Variants in KIF22 observed in about 807,000 individuals in gnomAD.
KIF22 encodes the protein kinesin family member 22.
KIF22 carries 62 observed loss-of-function variants against 73.0 expected under a neutral mutation model. The observed-to-expected ratio is 0.85, with a 90% CI of 0.69 to 1.05. The LOEUF is 1.05. Among genes scored for constraint, KIF22 ranks in the 50% least tolerant of loss-of-function variants. KIF22 has a pLI of 0.00. For synonymous variants in KIF22, 411 were observed against 340.1 expected, an observed-to-expected ratio of 1.21 and a Z score of -2.29; for missense variants, 854 against 870.1, an observed-to-expected ratio of 0.98 and a Z score of 0.23.
In KIF22 at chr16:29,799,082, T is replaced by C. The variant is rs369995078; in HGVS notation, c.657T>C (p.Ala219=). The change falls in exon 5 of 14, where the codon GCT becomes GCC. Residue 219 remains alanine (A), a synonymous_variant. Transcript: ENST00000160827. The part of the protein sequence containing the change: ...GLSQKPISSF[A]DFERHFLPAS... ...CCCAGAAGCCCATCAGTAGCTTTGC[T>C]GATTTTGAGCGGCACTTCCTGCCAG... 5.6e-6 allele frequency: 9 copies of C among 1,614,196 alleles called. No homozygotes were observed. In the South Asian group the frequency reaches 6.6e-5, roughly 12 times the overall value.
chr16:29,799,917 G>A lies in KIF22; in HGVS notation c.1149G>A (p.Leu383=). 6.2e-7 allele frequency: 1 copy of A among 1,614,044 alleles called. No individual in the cohort carries two copies. ...FTNESLQPHA[L]GPVKLSQKEL... ...CCCCATCCTCCAATCATCTAGCCTT[G>A]GGACCTGTTAAGCTGTCTCAGAAAG... The change falls in exon 8 of 14, where the codon TTG becomes TTA. Residue 383 remains leucine (L), a synonymous_variant. Transcript: ENST00000160827.
chr16:29,798,326 ACAC>A lies in KIF22; in HGVS notation c.267-47_267-45del. ...CACTCCACCCCTTACACACACACAC[ACAC>A]ACACACACACACACACACGCTAATT... On this transcript the variant is annotated intron_variant, in intron 2 of 13. Transcript: ENST00000160827. The surrounding 1 kb of genome is among the most constrained non-coding windows in gnomAD (Gnocchi z 4.1). 1 of 1,535,948 alleles carries A rather than the reference ACAC, an allele frequency of 6.5e-7. No individual in the cohort carries two copies. The highest frequency in any genetic ancestry group is 8.8e-7 in the Non-Finnish European group (1 of 1,139,810).
Position 29,800,005 on chromosome 16 carries a change from C to T in KIF22, c.1237C>T (p.Pro413Ser). The T allele has an allele frequency of 1.2e-6, 2 of 1,613,824 alleles. No individual in the cohort carries two copies. Among genetic ancestry groups the T allele is most frequent in the Non-Finnish European group, 1.7e-6 (2 of 1,180,014 alleles). ...CCCTGAGGAAGAGGAGATCGGGAGC[C>T]CTGAGCCCATGGCAGCTCCAGCCTC... is the stretch of plus-strand genomic sequence containing the variant. ...RGPEEEEIGS[P>S]EPMAAPASAS... The change falls in exon 8 of 14, where the codon CCT becomes TCT. Residue 413 changes from proline (P) to serine (S), a missense_variant. Physicochemically the swap from Pro to Ser is moderately conservative, Grantham distance 74. This residue lies in a region of KIF22 where 423 missense variants were observed against 365.4 expected (regional missense o/e 1.16). Transcript: ENST00000160827.
chr16:29,800,150 C>T, intron 8 of KIF22, 102 bp downstream of exon 8: 1 of 1,360,632 alleles, frequency 7.3e-7, no homozygotes, highest in East Asian at 2.3e-5. Context: ...TGATCTTGTT[C>T]CTCTCCCATT....
rs1333433590 is a variant in KIF22, at chr16:29,805,312, C to A, written c.*2C>A. On this transcript the variant is annotated 3_prime_UTR_variant, in exon 14 of 14. Transcript: ENST00000160827. ...GGCCAGCGCTGTGGCGCCTCCTGACCGTCGTCTCCTCACTCCGCCTTTTCA... is the reference window on the plus strand; with the variant it reads ...GGCCAGCGCTGTGGCGCCTCCTGACAGTCGTCTCCTCACTCCGCCTTTTCA... 3.7e-6 allele frequency: 6 copies of A among 1,613,004 alleles called. No individual in the cohort carries two copies. The highest frequency in any genetic ancestry group is 2.7e-5 in the African/African-American group (2 of 74,942).
At chr16:29,803,173 T>C (rs1181796737) in intron 9 of KIF22, among the ~76,000 whole-genome samples, 2 of 152,176 alleles carry the variant, frequency 1.3e-5, no homozygotes, top group African/African-American at 4.8e-5. Context: ...ATGTTAAACA[T>C]TACATTTCCT....
At chr16:29,793,687 A>T (rs769486417) in intron 1 of KIF22, among the ~76,000 whole-genome samples, 3 of 152,096 alleles carry the variant, frequency 2.0e-5, no homozygotes, top group Admixed American at 1.3e-4. Flanking sequence ...ACTGGCATCT[A>T]GTAAGCATAT....
At chr16:29,803,702 C>T (rs1483314101) in intron 10 of KIF22, 94 bp downstream of exon 10, 8 of 1,069,596 alleles carry the variant, frequency 7.5e-6, no homozygotes, top group African/African-American at 1.6e-5. Context: ...CATTCATATT[C>T]TCCCACCACA....
chr16:29,805,232 C>A (rs755599745), intron 13 of KIF22, 31 bp from the exon 14 acceptor site: 1 of 1,613,972 alleles, frequency 6.2e-7, no homozygotes, highest in Non-Finnish European at 8.5e-7. Flanking sequence ...CCCTCTCTAA[C>A]GTCGCTGTCT....
In KIF22 at chr16:29,804,873, G is replaced by T. The variant is rs144222256; in HGVS notation, c.1737G>T (p.Gln579His). ...AGGCTGAGGACTGCTGGGAGCTACA[G>T]ATCAGCCCGGAGCTACTGGCTCATG... ...EEKAEDCWELQISPELLAHGR... is the reference protein window; with the variant it reads ...EEKAEDCWELHISPELLAHGR... Residue 579 changes from glutamine to histidine, a missense_variant, in exon 12 of 14, where the codon CAG becomes CAT. Around this residue, in one of 3 missense-constraint regions of KIF22, gnomAD observed 423 missense variants for 365.4 expected, o/e 1.16. Coordinates refer to ENST00000160827, the MANE Select transcript of KIF22 (RefSeq NM_007317.3). The T allele has an allele frequency of 8.1e-6, 13 of 1,613,772 alleles. No individual in the cohort carries two copies. The highest frequency in any genetic ancestry group is 1.1e-5 in the Non-Finnish European group (13 of 1,179,976).
At position 29,800,061 on chromosome 16, in the gene KIF22, G is replaced by C; in HGVS notation, c.1280+13G>C. The stretch of plus-strand genomic sequence containing the variant: ...CCCAGAAACTCAGGTGAGCAGTGGG[G>C]CCTTGGGTGTATCCCCTTCCTGATG... On this transcript the variant is annotated intron_variant, in intron 8 of 13. Coordinates refer to ENST00000160827, the MANE Select transcript of KIF22 (RefSeq NM_007317.3). 2 of 1,604,622 alleles carry C rather than the reference G, an allele frequency of 1.2e-6. No individual in the cohort carries two copies. The highest frequency in any genetic ancestry group is 1.7e-6 in the Non-Finnish European group (2 of 1,178,332).
At chr16:29,799,578 C>T (rs756061410) in intron 6 of KIF22, 50 bp from the exon 7 acceptor site, 3 of 1,612,338 alleles carry the variant, frequency 1.9e-6, no homozygotes, top group Admixed American at 3.3e-5. Context: ...GCAGTTGAGG[C>T]ATAGGAAGGC....
chr16:29,797,036 T>C lies in KIF22; in HGVS notation c.214T>C (p.Cys72Arg), dbSNP rs762103783. 6.2e-7 allele frequency: 1 copy of C among 1,611,146 alleles called. No individual in the cohort carries two copies. Among genetic ancestry groups the C allele is most frequent in the Admixed American group, 1.7e-5 (1 of 59,784 alleles). Residue 72 changes from cysteine to arginine, a missense_variant, in exon 2 of 14, where the codon TGC becomes CGC. Cys to Arg is a radical substitution (Grantham distance 180). Transcript: ENST00000160827. This position sits in a 1 kb window ranked among gnomAD's most constrained non-coding sequence, Gnocchi z 4.1. ...CCCCTGTGTGCGGGGCATGGACAGC[T>C]GCTCTCTAGAGATTGCTAACTGGAG... ...DPPCVRGMDS[C>R]SLEIANWRNH...
rs777529302 is a variant in KIF22 at position 29,804,963 on chromosome 16, C to A, written c.1827C>A (p.Arg609=). The A allele has an allele frequency of 6.2e-7, 1 of 1,612,534 alleles. No individual in the cohort carries two copies. The highest frequency in any genetic ancestry group is 8.5e-7 in the Non-Finnish European group (1 of 1,179,534). ...CCCGAGATCTCCGCAGTCTTCAGCG[C>A]ATTGGCCCGAAGAAGGCCCAGCTAA... ...GSARDLRSLQ[R]IGPKKAQLIV... The change falls in exon 12 of 14, where the codon CGC becomes CGA. Residue 609 remains arginine (R), a synonymous_variant. Transcript: ENST00000160827.
intron 1 of KIF22, among the ~76,000 whole-genome samples, chr16:29,793,370 C>T (rs1375338185): frequency 6.6e-6 from 1 of 151,996 alleles, no homozygotes; most frequent in Non-Finnish European, 1.5e-5. Context: ...AACCGGGAGG[C>T]GGAGATTGCA....
At chr16:29,793,708 T>C (rs1898880052) in intron 1 of KIF22, among the ~76,000 whole-genome samples, 1 of 151,982 alleles carries the variant, frequency 6.6e-6, no homozygotes, top group African/African-American at 2.4e-5. Context: ...GCTAACAGTC[T>C]AAATGCACAG....
Position 29,802,873 on chromosome 16 carries a change from G to A in KIF22, c.1385G>A (p.Ser462Asn), listed in dbSNP as rs1461250681. The part of the protein sequence containing the change: ...SQGSQGAPLL[S>N]TPKRERMVLM... ...GGGAGCCAGGGGGCCCCTCTGTTGAGTACCCCAAAGCGAGAGCGGATGGTG... is the reference window on the plus strand; with the variant it reads ...GGGAGCCAGGGGGCCCCTCTGTTGAATACCCCAAAGCGAGAGCGGATGGTG... Residue 462 changes from serine to asparagine, a missense_variant, in exon 9 of 14, where the codon AGT (serine) becomes AAT (asparagine). Ser to Asn is a conservative substitution (Grantham distance 46). Coordinates refer to ENST00000160827, the MANE Select transcript of KIF22 (RefSeq NM_007317.3). The A allele has an allele frequency of 5.6e-6, 9 of 1,611,950 alleles. No homozygotes were observed. Among genetic ancestry groups the A allele is most frequent in the Middle Eastern group, 1.6e-4 (1 of 6,078 alleles).
rs1397979573 is a variant in KIF22, at chr16:29,804,065, G to C, written c.1677G>C (p.Lys559Asn). ...HILKNKGRKR[K>N]LESLDALEPE... Reference sequence around the variant, plus strand: ...TGAAGAATAAAGGCCGGAAGAGAAAGGTGAAAGTAGCTGGGGGCTTAGGCT... The same window carrying C: ...TGAAGAATAAAGGCCGGAAGAGAAACGTGAAAGTAGCTGGGGGCTTAGGCT... Residue 559 changes from lysine to asparagine, a missense_variant and splice_region_variant, in exon 11 of 14, where the codon AAG becomes AAC. By Grantham distance (94) the Lys-to-Asn change is moderately conservative. This residue lies in a region of KIF22 where 423 missense variants were observed against 365.4 expected (regional missense o/e 1.16). Coordinates refer to ENST00000160827, the MANE Select transcript of KIF22 (RefSeq NM_007317.3). 6.2e-7 allele frequency: 1 copy of C among 1,612,930 alleles called. No individual in the cohort carries two copies. The highest frequency in any genetic ancestry group is 1.1e-5 in the South Asian group (1 of 91,054).
chr16:29,799,130 A>G lies in KIF22; in HGVS notation c.705A>G (p.Gly235=), dbSNP rs768199147. 2 of 1,614,086 alleles carry G rather than the reference A, an allele frequency of 1.2e-6. No individual in the cohort carries two copies. The highest frequency in any genetic ancestry group is 1.1e-5 in the South Asian group (1 of 91,084). ...CAGCCAGTCGAAATCGGACTGTAGG[A>G]GCCACCCGGCTCAACCAGCGCTCCT... ...FLPASRNRTV[G]ATRLNQRSSR... is the part of the protein sequence containing the mutation. Residue 235 remains glycine, a synonymous_variant, in exon 5 of 14, where the codon GGA becomes GGG. Transcript: ENST00000160827.
Sources: gnomAD v4.1 joint callset for allele counts (sites outside exome capture counted in the v4.1 genomes callset) on GRCh38, gnomAD v4.1.1 for gene constraint, gnomAD v4.1.1 regional missense constraint, Gnocchi (gnomAD v3.1) non-coding constraint, MANE v1.5 for transcripts, NCBI Gene and HGNC (gene_info 2026-07-23, HGNC 2026-07-21) for gene names.